Variants in DNAJC17 observed in about 807,000 individuals in gnomAD.
DNAJC17 encodes DnaJ heat shock protein family (Hsp40) member C17.
A neutral mutation model predicts 48.1 loss-of-function variants in DNAJC17; 35 were observed. The ratio of observed to expected loss-of-function variants is 0.73; its 90% CI spans 0.56 to 0.96. DNAJC17 has a LOEUF of 0.96. DNAJC17 is among the 50% of genes least tolerant of loss of function. The pLI is 0.00. For synonymous variants in DNAJC17, 117 were observed against 142.7 expected, an observed-to-expected ratio of 0.82 and a Z score of 1.28; for missense variants, 355 against 377.1, an observed-to-expected ratio of 0.94 and a Z score of 0.48.
At chr15:40,786,621 A>C (rs1889650139) in intron 1 of DNAJC17, among the ~76,000 whole-genome samples, 1 of 152,196 alleles carries the variant, frequency 6.6e-6, no homozygotes, top group East Asian at 1.9e-4. Flanking sequence ...GGTTTCCCCT[A>C]AATCCCCTGG....
In DNAJC17 at chr15:40,790,552, C is replaced by A. The variant is rs557982718; in HGVS notation, c.79-10555G>T. Among the ~76,000 whole-genome samples the A allele has an allele frequency of 7.8e-4, 118 of 152,078 alleles. 1 individual carries two copies. Among genetic ancestry groups the A allele is most frequent in the African/African-American group, 2.7e-3 (112 of 41,494 alleles). ...CAAGATCGTGCCACTGCACTCCAGC[C>A]TGGGCGACACAGCGAGACTCTCTTT... On this transcript the variant is annotated intron_variant, in intron 1 of 10. Transcript: ENST00000220496.
chr15:40,784,216 CAA>C (rs796076995), intron 1 of DNAJC17, among the ~76,000 whole-genome samples: 2 of 142,314 alleles, frequency 1.4e-5, no homozygotes, highest in Admixed American at 7.0e-5. Flanking sequence ...AATTCTGTCT[CAA>C]AAAAAAAAAG....
chr15:40,774,430 C>G lies in DNAJC17; in HGVS notation c.607G>C (p.Glu203Gln), dbSNP rs1383805058. 16 of 1,613,910 alleles carry G rather than the reference C, an allele frequency of 9.9e-6. 1 individual carries two copies. The highest frequency in any genetic ancestry group is 1.7e-5 in the Admixed American group (1 of 60,010). ...VLLRLLQKYG[E>Q]VLNLVLSSKK... ...CTGGAAAGCACCAGGTTGAGAACCT[C>G]ACCATACTGTGGGGACAAAGGGGTC... Residue 203 changes from glutamate (E) to glutamine (Q), a missense_variant, in exon 9 of 11, where the codon GAG becomes CAG. This residue lies in a region of DNAJC17 where 68 missense variants were observed against 109.5 expected (regional missense o/e 0.62). Coordinates refer to ENST00000220496, the MANE Select transcript of DNAJC17 (RefSeq NM_018163.3).
chr15:40,781,269 G>A (rs946186892), intron 1 of DNAJC17, among the ~76,000 whole-genome samples: 3 of 151,720 alleles, frequency 2.0e-5, no homozygotes, highest in Admixed American at 6.6e-5. Flanking sequence ...GGAGGCTGAG[G>A]TGGGCAGATC....
At chr15:40,772,149 TG>T in intron 10 of DNAJC17, 1 of 167,110 alleles carries the variant, frequency 6.0e-6, no homozygotes, top group East Asian at 1.9e-4. Flanking sequence ...TAGACAGTTC[TG>T]CCGCCTGAAC....
intron 1 of DNAJC17, among the ~76,000 whole-genome samples, chr15:40,789,922 A>AG (rs1448225416): frequency 5.3e-5 from 8 of 149,972 alleles, no homozygotes; most frequent in African/African-American, 1.9e-4. Context: ...AAAAAAAAAA[A>AG]AAAAAAAAAG....
At chr15:40,771,852 G>A (rs1030361611) in intron 10 of DNAJC17, 1 of 167,152 alleles carries the variant, frequency 6.0e-6, no homozygotes, top group Non-Finnish European at 1.5e-5. Context: ...TAGAGATAGA[G>A]TATAACTCAG....
chr15:40,800,499 A>C (rs1029004533), intron 1 of DNAJC17, among the ~76,000 whole-genome samples: 2 of 142,118 alleles, frequency 1.4e-5, no homozygotes, highest in African/African-American at 5.2e-5. Context: ...TTTTTTTTTT[A>C]ATTTTTTTAC....
intron 1 of DNAJC17, 100 bp downstream of exon 1, chr15:40,807,269 C>G: frequency 6.2e-7 from 1 of 1,604,858 alleles, no homozygotes. Context: ...GCCCAGGACC[C>G]GAATGAACCT....
At chr15:40,804,153 A>G (rs1411680461) in intron 1 of DNAJC17, among the ~76,000 whole-genome samples, 1 of 151,390 alleles carries the variant, frequency 6.6e-6, no homozygotes, top group African/African-American at 2.4e-5. Flanking sequence ...ATATAGAGAG[A>G]GAGACAGGCT....
chr15:40,776,636 A>G lies in DNAJC17; in HGVS notation c.296-9T>C. On this transcript the variant is annotated splice_polypyrimidine_tract_variant and intron_variant, in intron 4 of 10. Transcript: ENST00000220496. ...CTCCCGGGCCTCCAGGTCTAGACAC[A>G]AGGGTTGAATGACCAGACTGCTGGT... 1 of 1,613,626 alleles carries G rather than the reference A, an allele frequency of 6.2e-7. No individual in the cohort carries two copies. Among genetic ancestry groups the G allele is most frequent in the Non-Finnish European group, 8.5e-7 (1 of 1,179,902 alleles).
At chr15:40,806,913 AG>A (rs34110073) in intron 1 of DNAJC17, among the ~76,000 whole-genome samples, 55,989 of 152,138 alleles carry the variant, frequency 0.37, 10,563 homozygotes, top group South Asian at 0.46. Flanking sequence ...CACATTGGCA[AG>A]GGGGCATGAA....
intron 1 of DNAJC17, chr15:40,807,111 G>A: frequency 1.2e-6 from 1 of 812,662 alleles, no homozygotes; most frequent in Non-Finnish European, 1.9e-6. Flanking sequence ...CTCGCCCCGC[G>A]GCCTCTAGGA....
rs550534323 is a variant in DNAJC17, at chr15:40,785,227, A to G, written c.79-5230T>C. ...CCTTATAAACAGCTGAAAGGGTTAT[A>G]GCTGATATTTACTTTCTATAATAAG... is the stretch of plus-strand genomic sequence containing the variant. On this transcript the variant is annotated intron_variant, in intron 1 of 10. Transcript: ENST00000220496. 1.4e-4 allele frequency among the ~76,000 whole-genome samples: 22 copies of G among 152,340 alleles called. No homozygotes were observed. In the South Asian group the frequency reaches 4.3e-3, roughly 30 times the overall value.
intron 2 of DNAJC17, 144 bp from the exon 3 acceptor site, chr15:40,779,747 G>T: frequency 9.0e-7 from 1 of 1,110,366 alleles, no homozygotes; most frequent in Non-Finnish European, 1.3e-6. Flanking sequence ...CAACAAGGAG[G>T]GGTGAGCATA....
chr15:40,792,071 C>A (rs954511652), intron 1 of DNAJC17, among the ~76,000 whole-genome samples: 11 of 152,196 alleles, frequency 7.2e-5, no homozygotes, highest in Admixed American at 2.0e-4. Context: ...TCTCCTGCGA[C>A]CTCCTCAGCA....
At chr15:40,773,984 C>T (rs942558787) in intron 9 of DNAJC17, 147 bp from the exon 10 acceptor site, 20 of 732,540 alleles carry the variant, frequency 2.7e-5, no homozygotes, top group Admixed American at 1.8e-4. Flanking sequence ...TGGGTGTTAA[C>T]GCTTTGGCCT....
chr15:40,784,001 C>T (rs993090186), intron 1 of DNAJC17, among the ~76,000 whole-genome samples: 13 of 149,156 alleles, frequency 8.7e-5, no homozygotes, highest in African/African-American at 2.7e-4. Context: ...CTGAGGCGGG[C>T]GAATCAGTTG....
At chr15:40,799,229 A>G (rs1890016414) in intron 1 of DNAJC17, among the ~76,000 whole-genome samples, 2 of 150,832 alleles carry the variant, frequency 1.3e-5, no homozygotes, top group South Asian at 4.2e-4. Flanking sequence ...CATCTCAAAA[A>G]AAAAAAAAAA....
Sources: allele counts gnomAD v4.1 joint callset (sites outside exome capture counted in the v4.1 genomes callset), GRCh38; gene constraint gnomAD v4.1.1; regional missense constraint gnomAD v4.1.1; transcripts MANE v1.5; gene names NCBI Gene and HGNC (gene_info 2026-07-23, HGNC 2026-07-21).